The following ATP6V0E1 variants were observed in gnomAD, a reference collection of about 807,000 sequenced individuals.
ATP6V0E1 encodes ATPase H+ transporting V0 subunit e1.
A neutral mutation model predicts 11.6 loss-of-function variants in ATP6V0E1; 4 were observed. The observed-to-expected ratio is 0.35, with a 90% CI of 0.17 to 0.79. The LOEUF (loss-of-function observed/expected upper bound fraction) is 0.79. Ranked by LOEUF, ATP6V0E1 falls within the 30% of genes least tolerant of loss-of-function variation. ATP6V0E1 has a pLI of 0.54. For missense variants in ATP6V0E1, 105 were observed against 100.0 expected, an observed-to-expected ratio of 1.05 and a Z score of -0.21; for synonymous variants, 36 against 34.8, an observed-to-expected ratio of 1.04 and a Z score of -0.13.
chr5:173,010,609 T>C (rs1756306516), intron 2 of ATP6V0E1, among the ~76,000 whole-genome samples: 1 of 152,188 alleles, frequency 6.6e-6, no homozygotes, highest in Non-Finnish European at 1.5e-5. Context: ...CTTGAAAGTA[T>C]TTTTATCATT....
intron 2 of ATP6V0E1, among the ~76,000 whole-genome samples, chr5:173,016,769 T>C (rs1756406578): frequency 6.6e-6 from 1 of 152,218 alleles, no homozygotes; most frequent in Admixed American, 6.5e-5. Flanking sequence ...TTTCAGTGTG[T>C]CCGCCTGTGC....
At chr5:172,985,758 C>T (rs920299840) in intron 1 of ATP6V0E1, among the ~76,000 whole-genome samples, 2 of 152,154 alleles carry the variant, frequency 1.3e-5, no homozygotes, top group African/African-American at 4.8e-5. Flanking sequence ...TCCACTTAGC[C>T]CTAGAGAGTG....
chr5:172,999,412 C>A (rs1026675482), intron 2 of ATP6V0E1, among the ~76,000 whole-genome samples: 1 of 152,020 alleles, frequency 6.6e-6, no homozygotes, highest in Non-Finnish European at 1.5e-5. Flanking sequence ...CAGCCTCAAA[C>A]TCCTGGGCTG....
intron 1 of ATP6V0E1, among the ~76,000 whole-genome samples, chr5:172,987,580 G>A (rs1281773065): frequency 6.6e-6 from 1 of 151,918 alleles, no homozygotes; most frequent in Non-Finnish European, 1.5e-5. Context: ...TGCCACACCC[G>A]GCCCCCTGCT....
At chr5:172,990,931 T>C (rs1321679563) in intron 1 of ATP6V0E1, among the ~76,000 whole-genome samples, 2 of 152,056 alleles carry the variant, frequency 1.3e-5, no homozygotes, top group Non-Finnish European at 2.9e-5. Context: ...ATTACAGGCT[T>C]GAGCCACCAT....
At position 173,008,725 on chromosome 5, in the gene ATP6V0E1, C is replaced by CAT. The variant is rs1561771739; in HGVS notation, c.153-11513_153-11512insAT. On this transcript the variant is annotated intron_variant, in intron 2 of 3. Coordinates refer to ENST00000519374, the MANE Select transcript of ATP6V0E1 (RefSeq NM_003945.4). ...GAGATCGAGACCATCCTGGCTAATG[C>CAT]GGTGAAACCCCATCTCTACTAAAAA... is the stretch of plus-strand genomic sequence containing the variant. 2.0e-5 allele frequency among the ~76,000 whole-genome samples: 3 copies of CAT among 148,676 alleles called. No homozygotes were observed. In the East Asian group the frequency reaches 6.1e-4, roughly 30 times the overall value.
At chr5:173,000,834 G>A (rs933663404) in intron 2 of ATP6V0E1, among the ~76,000 whole-genome samples, 2 of 151,940 alleles carry the variant, frequency 1.3e-5, no homozygotes, top group Non-Finnish European at 2.9e-5. Flanking sequence ...CTGAGTAGGT[G>A]GGACTACAGA....
intron 2 of ATP6V0E1, among the ~76,000 whole-genome samples, chr5:173,012,132 AG>A (rs1025834423): frequency 2.0e-5 from 3 of 151,350 alleles, no homozygotes; most frequent in African/African-American, 4.9e-5. Flanking sequence ...CCCAGGTTCA[AG>A]TGATTCTCCT....
At chr5:173,028,912 T>C (rs1172482921) in intron 3 of ATP6V0E1, among the ~76,000 whole-genome samples, 1 of 152,194 alleles carries the variant, frequency 6.6e-6, no homozygotes, top group South Asian at 2.1e-4. Flanking sequence ...TACCATGGAA[T>C]CTCCTTGGAG....
intron 3 of ATP6V0E1, among the ~76,000 whole-genome samples, chr5:173,028,962 T>G (rs1303520920): frequency 6.6e-6 from 1 of 152,202 alleles, no homozygotes; most frequent in Non-Finnish European, 1.5e-5. Flanking sequence ...TGGAAGTTAC[T>G]TGGTTTAGCA....
intron 3 of ATP6V0E1, among the ~76,000 whole-genome samples, chr5:173,022,634 C>A (rs905153245): frequency 1.3e-5 from 2 of 151,920 alleles, no homozygotes; most frequent in African/African-American, 4.8e-5. Context: ...CATGAGCCAC[C>A]ATACCCTAAC....
intron 2 of ATP6V0E1, among the ~76,000 whole-genome samples, chr5:173,009,203 G>A (rs1237973216): frequency 1.3e-5 from 2 of 151,912 alleles, no homozygotes; most frequent in Non-Finnish European, 2.9e-5. Flanking sequence ...TCCAGCCTGG[G>A]CAACAGAGCG....
At position 173,034,229 on chromosome 5, in the gene ATP6V0E1, G is replaced by A. The variant is rs745487077; in HGVS notation, c.*37-170G>A. 2.0e-5 allele frequency among the ~76,000 whole-genome samples: 3 copies of A among 152,302 alleles called. No homozygotes were observed. The East Asian group carries it at 5.8e-4, about 29-fold the overall frequency. ...CTTGGTTACTGGACCTTTTGCCACA[G>A]CCCTGCAAAACCTGGCCAAACTTGC... On this transcript the variant is annotated intron_variant, in intron 3 of 3. Transcript: ENST00000519374.
At chr5:173,031,188 C>T (rs1221735523) in intron 3 of ATP6V0E1, among the ~76,000 whole-genome samples, 8 of 151,714 alleles carry the variant, frequency 5.3e-5, no homozygotes. Flanking sequence ...TCATGATCTG[C>T]CCGCCTCGGC....
chr5:173,030,447 T>TG (rs1219875554), intron 3 of ATP6V0E1, among the ~76,000 whole-genome samples: 15 of 150,500 alleles, frequency 1.0e-4, no homozygotes, highest in African/African-American at 3.2e-4. Flanking sequence ...TTTTGTTTTT[T>TG]TTTTTTTTTT....
chr5:172,999,790 G>A (rs1284376350), intron 2 of ATP6V0E1, among the ~76,000 whole-genome samples: 1 of 152,142 alleles, frequency 6.6e-6, no homozygotes, highest in East Asian at 1.9e-4. Flanking sequence ...GGTACACAGT[G>A]TTCCAACATT....
At chr5:172,989,912 C>T (rs967008968) in intron 1 of ATP6V0E1, among the ~76,000 whole-genome samples, 2 of 152,104 alleles carry the variant, frequency 1.3e-5, no homozygotes, top group African/African-American at 2.4e-5. Context: ...AGTCATAGCC[C>T]GCTGCAGCCT....
chr5:172,985,208 G>A (rs1458277460), intron 1 of ATP6V0E1, among the ~76,000 whole-genome samples: 1 of 145,154 alleles, frequency 6.9e-6, no homozygotes, highest in Non-Finnish European at 1.5e-5. Flanking sequence ...TCGCGCCACT[G>A]CACTCCAGCC....
chr5:173,029,211 G>A (rs558197271), intron 3 of ATP6V0E1, among the ~76,000 whole-genome samples: 10 of 152,254 alleles, frequency 6.6e-5, no homozygotes, highest in African/African-American at 2.4e-4. Context: ...TTGGGGTGTT[G>A]AATTAAGCCA....
Sources: gnomAD v4.1 joint callset for allele counts (sites outside exome capture counted in the v4.1 genomes callset) on GRCh38, gnomAD v4.1.1 for gene constraint, MANE v1.5 for transcripts, NCBI Gene and HGNC (gene_info 2026-07-23, HGNC 2026-07-21) for gene names.